AK8: variants seen among roughly 807,000 people sequenced by gnomAD.
AK8 encodes the protein ATP-AMP transphosphorylase 8.
A neutral mutation model predicts 54.6 loss-of-function variants in AK8; 44 were observed. That is an observed-to-expected ratio of 0.81 (90% CI 0.63 to 1.04). The LOEUF (loss-of-function observed/expected upper bound fraction) is 1.04, where lower values mean the gene tolerates loss of function less well. AK8 is among the 50% of genes least tolerant of loss of function. The pLI is 0.00. For synonymous variants in AK8, 239 were observed against 245.6 expected (o/e 0.97, Z 0.25); for missense variants, 555 against 613.6 (o/e 0.90, Z 1.01).
chr9:132,734,740 C>T (rs532167856), intron 11 of AK8, among the ~76,000 whole-genome samples: 1 of 151,932 alleles, frequency 6.6e-6, no homozygotes, highest in Non-Finnish European at 1.5e-5. Flanking sequence ...TGTCTAAATA[C>T]ATAAATAGGT....
chr9:132,839,595 C>A (rs1842452671), intron 5 of AK8, among the ~76,000 whole-genome samples: 1 of 152,104 alleles, frequency 6.6e-6, no homozygotes. Context: ...CTCAGCAGCA[C>A]CGGGGAGGAT....
intron 11 of AK8, among the ~76,000 whole-genome samples, chr9:132,751,407 C>A (rs896154281): frequency 1.4e-5 from 2 of 147,724 alleles, no homozygotes; most frequent in Admixed American, 1.4e-4. Context: ...CAAAAAAAAC[C>A]AACTTCTGGG....
intron 11 of AK8, among the ~76,000 whole-genome samples, chr9:132,789,808 A>T (rs1839870605): frequency 6.6e-6 from 1 of 152,018 alleles, no homozygotes; most frequent in Admixed American, 6.6e-5. Context: ...TCTTTGAGCC[A>T]CCAATGCTGT....
At chr9:132,737,286 G>A (rs1837166483) in intron 11 of AK8, among the ~76,000 whole-genome samples, 1 of 151,914 alleles carries the variant, frequency 6.6e-6, no homozygotes, top group Admixed American at 6.6e-5. Flanking sequence ...ATAAACAGAT[G>A]GACAAAACAA....
chr9:132,828,026 G>A lies in AK8; in HGVS notation c.543C>T (p.Asp181=), dbSNP rs896694731. 8.9e-6 allele frequency: 14 copies of A among 1,566,514 alleles called. No individual in the cohort carries two copies. In the East Asian group the frequency reaches 3.3e-4, roughly 37 times the overall value. Residue 181 remains aspartate, a synonymous_variant, in exon 7 of 13, where the codon GAC becomes GAT. Transcript: ENST00000298545. ...CCGTAGCCATACCTCCAGTTTGAGG[G>A]TCGATTCTCTTCCCCAAGTTTCTCT... ...LIERNLGKRI[D]PQTGEIYHTT...
chr9:132,788,291 C>T (rs73546982), intron 11 of AK8, among the ~76,000 whole-genome samples: 2,631 of 152,262 alleles, frequency 0.017, 78 homozygotes, highest in African/African-American at 0.059. Context: ...AAATTGTATG[C>T]TTGTATCTCA....
intron 10 of AK8, among the ~76,000 whole-genome samples, chr9:132,807,747 A>C (rs1840788665): frequency 6.6e-6 from 1 of 152,220 alleles, no homozygotes; most frequent in Non-Finnish European, 1.5e-5. Flanking sequence ...CAACAGAGTG[A>C]GGCCCATGAG....
At chr9:132,811,418 C>T (rs574715980) in intron 10 of AK8, among the ~76,000 whole-genome samples, 10 of 152,308 alleles carry the variant, frequency 6.6e-5, no homozygotes, top group African/African-American at 1.9e-4. Flanking sequence ...AAATGCTACT[C>T]TACTGGCTTT....
At chr9:132,851,720 C>T (rs1055064352) in intron 5 of AK8, among the ~76,000 whole-genome samples, 3 of 152,210 alleles carry the variant, frequency 2.0e-5, no homozygotes, top group Non-Finnish European at 2.9e-5. Context: ...GAACACAGGA[C>T]TGACATGGAA....
chr9:132,871,011 C>G (rs930236613), intron 2 of AK8, among the ~76,000 whole-genome samples: 3 of 152,090 alleles, frequency 2.0e-5, no homozygotes, highest in Admixed American at 2.0e-4. Flanking sequence ...TTTGGGAGGC[C>G]GAGGCGGGTG....
chr9:132,826,029 T>C lies in AK8; in HGVS notation c.757+825A>G, dbSNP rs919212744. 6.6e-6 allele frequency among the ~76,000 whole-genome samples: 1 copy of C among 152,190 alleles called. No individual in the cohort carries two copies. Among genetic ancestry groups the C allele is most frequent in the African/African-American group, 2.4e-5 (1 of 41,438 alleles). ...TTATTCTACCTTGCCCTTGCCTTTT[T>C]GGGCAGGGTGTTGAACAATGATAGG... On this transcript the variant is annotated intron_variant, in intron 8 of 12. Transcript: ENST00000298545. This position sits in a 1 kb window ranked among gnomAD's most constrained non-coding sequence, Gnocchi z 4.5.
Position 132,790,423 on chromosome 9 carries a change from T to C in AK8, c.1121+2211A>G, listed in dbSNP as rs908941489. ...CCGCCACCACGTCCAGCTAATTTTT[T>C]GTATTTTTTAGTAGAGACGGGTTTC... On this transcript the variant is annotated intron_variant, in intron 11 of 12. Transcript: ENST00000298545. The surrounding 1 kb of genome is among the most constrained non-coding windows in gnomAD (Gnocchi z 4.1). Among the ~76,000 whole-genome samples the C allele has an allele frequency of 2.0e-5, 3 of 152,194 alleles. No individual in the cohort carries two copies. Among genetic ancestry groups the C allele is most frequent in the Non-Finnish European group, 4.4e-5 (3 of 68,034 alleles).
chr9:132,856,634 C>T (rs1180175506), intron 4 of AK8, among the ~76,000 whole-genome samples: 2 of 152,130 alleles, frequency 1.3e-5, no homozygotes, highest in African/African-American at 4.8e-5. Context: ...TCAGAGGCTG[C>T]CTGGGACCCA....
chr9:132,848,252 T>C (rs545489474), intron 5 of AK8, among the ~76,000 whole-genome samples: 24 of 152,028 alleles, frequency 1.6e-4, no homozygotes, highest in African/African-American at 5.5e-4. Flanking sequence ...GGATAATGGA[T>C]TAAGGCACAC....
chr9:132,794,604 G>T (rs928879535), intron 10 of AK8, among the ~76,000 whole-genome samples: 2 of 152,146 alleles, frequency 1.3e-5, no homozygotes, highest in Middle Eastern at 3.2e-3. Context: ...CTCTTTCATG[G>T]ATGGGTCCCA....
At chr9:132,802,034 C>A (rs183103112) in intron 10 of AK8, among the ~76,000 whole-genome samples, 1 of 152,330 alleles carries the variant, frequency 6.6e-6, no homozygotes, top group African/African-American at 2.4e-5. Context: ...ATTCCACTTG[C>A]AGCCTGCCTT....
intron 10 of AK8, among the ~76,000 whole-genome samples, chr9:132,810,918 T>C (rs117587008): frequency 2.4e-3 from 366 of 152,148 alleles, no homozygotes; most frequent in Non-Finnish European, 3.5e-3. Context: ...AACCCTAATA[T>C]GCAAAGAGCA....
At chr9:132,875,353 G>GCCTCT (rs34304426) in intron 1 of AK8, 154 bp from the exon 2 acceptor site, 1 of 980,690 alleles carries the variant, frequency 1.0e-6, no homozygotes, top group Admixed American at 6.2e-5. Context: ...CATCTGCTTG[G>GCCTCT]GTCCCCATGA....
chr9:132,855,330 C>T (rs1843135469), intron 4 of AK8, among the ~76,000 whole-genome samples: 1 of 152,184 alleles, frequency 6.6e-6, no homozygotes, highest in Non-Finnish European at 1.5e-5. Flanking sequence ...ACCGCACACG[C>T]TAATGGACTG....
Sources: gnomAD v4.1 joint callset for allele counts (sites outside exome capture counted in the v4.1 genomes callset) on GRCh38, gnomAD v4.1.1 for gene constraint, Gnocchi (gnomAD v3.1) non-coding constraint, MANE v1.5 for transcripts, NCBI Gene and HGNC (gene_info 2026-07-23, HGNC 2026-07-21) for gene names.